Variants in MYO1E observed in about 807,000 individuals in gnomAD.
The protein encoded by MYO1E is unconventional myosin-Ie.
MYO1E carries 68 observed loss-of-function variants against 151.1 expected under a neutral mutation model. The observed-to-expected ratio is 0.45, with a 90% CI of 0.37 to 0.55. The LOEUF (loss-of-function observed/expected upper bound fraction) is 0.55, where lower values mean the gene tolerates loss of function less well. Among genes scored for constraint, MYO1E ranks in the 20% least tolerant of loss-of-function variants. MYO1E has a pLI of 0.00. For synonymous variants in MYO1E, 601 were observed against 501.7 expected (o/e 1.20, Z -2.64); for missense variants, 1,363 against 1,389.3 (o/e 0.98, Z 0.30).
chr15:59,248,101 T>C (rs4559856), intron 4 of MYO1E, among the ~76,000 whole-genome samples: 138,387 of 140,910 alleles, frequency 0.98, 68,012 homozygotes, highest in East Asian at 1. Context: ...GCACTCCAGC[T>C]TGGGTGACAG....
intron 2 of MYO1E, among the ~76,000 whole-genome samples, chr15:59,269,815 C>A (rs192541260): frequency 3.9e-5 from 6 of 151,992 alleles, no homozygotes; most frequent in Admixed American, 6.5e-5. Flanking sequence ...ATTTCGCCAA[C>A]TGCACTTCAG....
intron 2 of MYO1E, among the ~76,000 whole-genome samples, chr15:59,261,998 T>C (rs1438375863): frequency 6.6e-6 from 1 of 151,974 alleles, no homozygotes; most frequent in Non-Finnish European, 1.5e-5. Flanking sequence ...GGTCAGGAGC[T>C]CGAGACTAGC....
At chr15:59,174,346 C>T (rs1203703855) in intron 19 of MYO1E, 106 bp from the exon 20 acceptor site, 43 of 791,694 alleles carry the variant, frequency 5.4e-5, no homozygotes, top group Admixed American at 9.1e-5. Flanking sequence ...ATGACACACA[C>T]GGGAAGCAGC....
intron 7 of MYO1E, among the ~76,000 whole-genome samples, chr15:59,226,844 G>C (rs1295593094): frequency 6.6e-6 from 1 of 152,152 alleles, no homozygotes; most frequent in African/African-American, 2.4e-5. Flanking sequence ...AGCTGACTCA[G>C]ATGACTGCTG....
intron 26 of MYO1E, among the ~76,000 whole-genome samples, chr15:59,150,831 C>T (rs537199764): frequency 1.6e-4 from 25 of 152,276 alleles, no homozygotes; most frequent in African/African-American, 6.0e-4. Flanking sequence ...CTACCCCAGA[C>T]CTACAGAATC....
intron 5 of MYO1E, among the ~76,000 whole-genome samples, chr15:59,234,822 C>CAAAAA (rs3053017): frequency 2.0e-5 from 2 of 102,214 alleles, no homozygotes; most frequent in South Asian, 3.2e-4. Flanking sequence ...GACCCCATCT[C>CAAAAA]AAAAAAAAAA....
intron 1 of MYO1E, among the ~76,000 whole-genome samples, chr15:59,327,163 G>C (rs1269249769): frequency 6.6e-6 from 1 of 152,084 alleles, no homozygotes; most frequent in Non-Finnish European, 1.5e-5. Context: ...CTCCATGCAG[G>C]AGTCTCCCAT....
intron 1 of MYO1E, among the ~76,000 whole-genome samples, chr15:59,371,370 A>G (rs1330087756): frequency 6.6e-6 from 1 of 152,150 alleles, no homozygotes; most frequent in African/African-American, 2.4e-5. Context: ...AGAGGACGAG[A>G]TAATCCACCT....
chr15:59,312,361 C>G (rs1351945850), intron 1 of MYO1E, among the ~76,000 whole-genome samples: 1 of 152,148 alleles, frequency 6.6e-6, no homozygotes, highest in Non-Finnish European at 1.5e-5. Context: ...CGTGGAGGAA[C>G]AGGAACTTGG....
intron 12 of MYO1E, among the ~76,000 whole-genome samples, chr15:59,211,062 T>C (rs1261263874): frequency 6.6e-6 from 1 of 151,886 alleles, no homozygotes; most frequent in East Asian, 1.9e-4. Flanking sequence ...AAGCTGAGTG[T>C]GGTGGGGCGC....
chr15:59,287,018 C>T lies in MYO1E; in HGVS notation c.4-14569G>A, dbSNP rs946325148. On this transcript the variant is annotated intron_variant, in intron 1 of 27. Transcript: ENST00000288235. Reference sequence around the variant, plus strand: ...GCCAAGGGTCCTGCAGGCTCAGGGCCGCTCAATGTGTGATCACAAACAAGT... The same window carrying T: ...GCCAAGGGTCCTGCAGGCTCAGGGCTGCTCAATGTGTGATCACAAACAAGT... Among the ~76,000 whole-genome samples, 5 of 152,206 alleles carry T rather than the reference C, an allele frequency of 3.3e-5. 1 individual carries two copies. The East Asian group carries it at 7.7e-4, about 24-fold the overall frequency.
chr15:59,323,006 A>C (rs1199993663), intron 1 of MYO1E, among the ~76,000 whole-genome samples: 1 of 51,196 alleles, frequency 2.0e-5, no homozygotes, highest in African/African-American at 2.3e-4. Flanking sequence ...CTAAAAATAC[A>C]AAAAAAAAAA....
At chr15:59,232,119 G>T (rs943967619) in intron 5 of MYO1E, among the ~76,000 whole-genome samples, 1 of 152,120 alleles carries the variant, frequency 6.6e-6, no homozygotes, top group Non-Finnish European at 1.5e-5. Flanking sequence ...GTACCTGAAG[G>T]GGCGTGTCCT....
In MYO1E at chr15:59,233,273, C is replaced by T. The variant is rs565970025; in HGVS notation, c.421-1482G>A. Among the ~76,000 whole-genome samples, 150 of 152,064 alleles carry T rather than the reference C, an allele frequency of 9.9e-4. 1 individual carries two copies. The highest frequency in any genetic ancestry group is 1.8e-3 in the Non-Finnish European group (125 of 68,020). On this transcript the variant is annotated intron_variant, in intron 5 of 27. Coordinates refer to ENST00000288235, the MANE Select transcript of MYO1E (RefSeq NM_004998.4). ...GTATCCATTCATCCATCCATCCGTC[C>T]GTCCATATGTATTCATCAACAATCG...
At chr15:59,216,005 C>T (rs768570625) in intron 10 of MYO1E, among the ~76,000 whole-genome samples, 4 of 152,138 alleles carry the variant, frequency 2.6e-5, no homozygotes, top group Non-Finnish European at 5.9e-5. Flanking sequence ...CTGACCTTCC[C>T]AAGCAATGTT....
chr15:59,179,805 T>A (rs752098973), intron 18 of MYO1E, among the ~76,000 whole-genome samples: 98 of 152,254 alleles, frequency 6.4e-4, no homozygotes, highest in Non-Finnish European at 6.2e-4. Context: ...TGTCAGAGGC[T>A]GATATAATCA....
Position 59,339,228 on chromosome 15 carries a change from C to T in MYO1E, c.3+33270G>A, listed in dbSNP as rs530066878. On this transcript the variant is annotated intron_variant, in intron 1 of 27. Transcript: ENST00000288235. ...TTTATCAAACCTCAATAGACAGAAA[C>T]CTTTCAGAGCCTTCCTCTCCACTGG... Among the ~76,000 whole-genome samples, 3 of 152,334 alleles carry T rather than the reference C, an allele frequency of 2.0e-5. No homozygotes were observed. The South Asian group carries it at 6.2e-4, about 32-fold the overall frequency.
At chr15:59,153,241 A>G (rs150542125) in intron 26 of MYO1E, among the ~76,000 whole-genome samples, 50 of 152,324 alleles carry the variant, frequency 3.3e-4, no homozygotes, top group African/African-American at 1.2e-3. Flanking sequence ...TATTTATGCA[A>G]CTGCAGGCAC....
intron 19 of MYO1E, 134 bp downstream of exon 19, chr15:59,178,259 G>A (rs2079637139): frequency 8.8e-7 from 1 of 1,130,300 alleles, no homozygotes; most frequent in Non-Finnish European, 1.3e-6. Context: ...AGGAAGGGAG[G>A]GAAGGCTTCT....
Sources: gnomAD v4.1 joint callset for allele counts (sites outside exome capture counted in the v4.1 genomes callset) on GRCh38, gnomAD v4.1.1 for gene constraint, MANE v1.5 for transcripts, NCBI Gene and HGNC (gene_info 2026-07-23, HGNC 2026-07-21) for gene names.